Variants in MTREX observed in about 807,000 individuals in gnomAD.
The protein encoded by MTREX is exosome RNA helicase MTR4.
Under a neutral mutation model 135.4 loss-of-function variants are expected in MTREX, and 76 were observed. The observed-to-expected ratio is 0.56, with a 90% CI of 0.47 to 0.68. The LOEUF is 0.68. Among genes scored for constraint, MTREX ranks in the 30% least tolerant of loss-of-function variants. MTREX has a pLI of 0.00. For missense variants in MTREX, 920 were observed against 1,262.1 expected (o/e 0.73, Z 4.11); for synonymous variants, 404 against 401.6 (o/e 1.01, Z -0.07).
Position 55,402,820 on chromosome 5 carries a change from A to ATGTGTGTG in MTREX, c.2481+2400_2481+2401insGTGTGTGT, listed in dbSNP as rs1301938800. 1.4e-3 allele frequency among the ~76,000 whole-genome samples: 46 copies of ATGTGTGTG among 33,754 alleles called. 1 individual carries two copies. Among genetic ancestry groups the ATGTGTGTG allele is most frequent in the African/African-American group, 3.2e-3 (46 of 14,174 alleles). The allele number at this position is 33,754 out of a possible 152,430, so 22.1% of individuals were successfully genotyped here. ...CATGATATATAAATATAAGCACATT[A>ATGTGTGTG]TATGTGTGTGTGTGTGTGTGTATGT... On this transcript the variant is annotated intron_variant, in intron 21 of 26. Transcript: ENST00000230640.
intron 3 of MTREX, chr5:55,327,508 C>CACT: frequency 2.0e-6 from 1 of 506,062 alleles, no homozygotes. Flanking sequence ...TAGACAAATG[C>CACT]GAGTAGATGT....
intron 21 of MTREX, 128 bp downstream of exon 21, chr5:55,400,549 A>C: frequency 1.6e-6 from 1 of 607,702 alleles, no homozygotes; most frequent in Non-Finnish European, 2.8e-6. Flanking sequence ...CTTTTAAATA[A>C]ACTGTCAGCT....
chr5:55,412,576 C>T (rs937232070), intron 23 of MTREX, among the ~76,000 whole-genome samples: 1 of 152,094 alleles, frequency 6.6e-6, no homozygotes, highest in African/African-American at 2.4e-5. Context: ...TCAAAGATCA[C>T]TGGGGAGATG....
intron 21 of MTREX, among the ~76,000 whole-genome samples, chr5:55,402,848 A>ATGTGTGTGTG (rs1206609714): frequency 9.6e-4 from 43 of 44,956 alleles, no homozygotes; most frequent in African/African-American, 2.8e-3. Context: ...GTGTATGTGT[A>ATGTGTGTGTG]TGTATGTGTG....
chr5:55,366,179 A>G (rs962333047), intron 15 of MTREX, among the ~76,000 whole-genome samples: 7 of 152,176 alleles, frequency 4.6e-5, no homozygotes, highest in Admixed American at 1.3e-4. Flanking sequence ...AGTAACAGCC[A>G]CAGTTAGGAA....
chr5:55,393,034 A>T (rs1004086135), intron 19 of MTREX, among the ~76,000 whole-genome samples: 1 of 152,326 alleles, frequency 6.6e-6, no homozygotes, highest in Admixed American at 6.5e-5. Context: ...CTATGGAAAT[A>T]GGCCTTCAAA....
chr5:55,422,999 T>G lies in MTREX; in HGVS notation c.3076+17T>G. 1 of 1,592,484 alleles carries G rather than the reference T, an allele frequency of 6.3e-7. No individual in the cohort carries two copies. The highest frequency in any genetic ancestry group is 8.6e-7 in the Non-Finnish European group (1 of 1,162,396). On this transcript the variant is annotated intron_variant, in intron 26 of 26. Coordinates refer to ENST00000230640, the MANE Select transcript of MTREX (RefSeq NM_015360.5). The stretch of plus-strand genomic sequence containing the variant: ...TTGCAGAAGGTCAGTATCAAATGGA[T>G]AAGCTGTTTCTAATTTAGACAAATT...
chr5:55,380,389 G>A lies in MTREX; in HGVS notation c.2052+1194G>A, dbSNP rs1750376683. The stretch of plus-strand genomic sequence containing the variant: ...TAGAACATTTTCATCATCTCAAAAA[G>A]AAACATATGTCATTCACCTGTCCTT... On this transcript the variant is annotated intron_variant, in intron 18 of 26. Coordinates refer to ENST00000230640, the MANE Select transcript of MTREX (RefSeq NM_015360.5). Among the ~76,000 whole-genome samples, 3 of 152,212 alleles carry A rather than the reference G, an allele frequency of 2.0e-5. No homozygotes were observed. The East Asian group carries it at 5.8e-4, about 29-fold the overall frequency.
intron 11 of MTREX, among the ~76,000 whole-genome samples, chr5:55,347,989 G>A (rs992697155): frequency 7.2e-5 from 11 of 152,154 alleles, no homozygotes; most frequent in Non-Finnish European, 1.0e-4. Context: ...AGAGACACCC[G>A]CATGATTCAG....
chr5:55,370,602 A>G (rs1750180255), intron 16 of MTREX, among the ~76,000 whole-genome samples: 1 of 152,216 alleles, frequency 6.6e-6, no homozygotes, highest in African/African-American at 2.4e-5. Flanking sequence ...GTAAGTAAAA[A>G]TACTGTCAAA....
At chr5:55,342,497 AAAAG>A (rs1561191917) in intron 7 of MTREX, among the ~76,000 whole-genome samples, 1 of 152,220 alleles carries the variant, frequency 6.6e-6, no homozygotes, top group Non-Finnish European at 1.5e-5. Context: ...AAAATGAACA[AAAAG>A]AAAAACTTAC....
At chr5:55,330,098 A>C (rs1477304412) in intron 5 of MTREX, among the ~76,000 whole-genome samples, 3 of 151,830 alleles carry the variant, frequency 2.0e-5, no homozygotes, top group Non-Finnish European at 2.9e-5. Flanking sequence ...TTTGTTTTTG[A>C]GGCAGGGTCT....
In MTREX at chr5:55,425,386, T is replaced by A. The variant is rs781446682; in HGVS notation, c.*614T>A. On this transcript the variant is annotated 3_prime_UTR_variant, in exon 27 of 27. Transcript: ENST00000230640. ...AATTTAGATCAAGTTAAAAACTACA[T>A]ACAAAGTTGTGATCAACAGCATCCT... is the stretch of plus-strand genomic sequence containing the variant. 1 of 1,484,220 alleles carries A rather than the reference T, an allele frequency of 6.7e-7. No individual in the cohort carries two copies. Among genetic ancestry groups the A allele is most frequent in the Non-Finnish European group, 9.2e-7 (1 of 1,087,466 alleles). The allele number at this position is 1,484,220 out of a possible 1,614,324, so 91.9% of individuals were successfully genotyped here. A position where few individuals can be genotyped will look rare whatever the true frequency, so the allele number is the denominator to read the frequency against.
At chr5:55,390,827 C>G (rs1368646986) in intron 19 of MTREX, among the ~76,000 whole-genome samples, 1 of 152,106 alleles carries the variant, frequency 6.6e-6, no homozygotes, top group African/African-American at 2.4e-5. Context: ...GATACCAGTA[C>G]TTGTCATGGA....
intron 19 of MTREX, among the ~76,000 whole-genome samples, chr5:55,394,783 A>G (rs1750622333): frequency 6.6e-6 from 1 of 152,164 alleles, no homozygotes; most frequent in South Asian, 2.1e-4. Flanking sequence ...CTGTAATCCC[A>G]GCATTTTGGG....
chr5:55,389,666 A>AG (rs1750534070), intron 19 of MTREX, among the ~76,000 whole-genome samples: 2 of 152,188 alleles, frequency 1.3e-5, no homozygotes, highest in African/African-American at 4.8e-5. Context: ...GTACCTTTAC[A>AG]GACAAGAATT....
At chr5:55,345,334 T>C (rs2112062815) in intron 10 of MTREX, 138 bp downstream of exon 10, 1 of 647,468 alleles carries the variant, frequency 1.5e-6, no homozygotes, top group East Asian at 2.8e-5. Context: ...GATAAATATT[T>C]ATCTTTTTTG....
intron 20 of MTREX, among the ~76,000 whole-genome samples, chr5:55,398,177 C>G (rs144488362): frequency 6.6e-6 from 1 of 151,690 alleles, no homozygotes; most frequent in African/African-American, 2.4e-5. Context: ...GTTCCAGGCT[C>G]TACAGTAAGC....
intron 5 of MTREX, among the ~76,000 whole-genome samples, chr5:55,335,837 T>A (rs1030104502): frequency 2.0e-5 from 3 of 152,152 alleles, no homozygotes; most frequent in Non-Finnish European, 4.4e-5. Flanking sequence ...ACTTAAAAAT[T>A]AATTTGGAGA....
Sources: gnomAD v4.1 joint callset for allele counts (sites outside exome capture counted in the v4.1 genomes callset) on GRCh38, gnomAD v4.1.1 for gene constraint, MANE v1.5 for transcripts, NCBI Gene and HGNC (gene_info 2026-07-23, HGNC 2026-07-21) for gene names.